TRIO: variants seen among roughly 807,000 people sequenced by gnomAD.
The protein encoded by TRIO is trio Rho guanine nucleotide exchange factor.
Under a neutral mutation model 351.9 loss-of-function variants are expected in TRIO, and 58 were observed. The ratio of observed to expected loss-of-function variants is 0.16; its 90% CI spans 0.13 to 0.21. The LOEUF (loss-of-function observed/expected upper bound fraction) is 0.21, where lower values mean the gene tolerates loss of function less well. TRIO is among the 10% of genes least tolerant of loss of function. The probability of loss-of-function intolerance (pLI) is 1.00; values close to 1 mark genes in which losing one functional copy is unlikely to be tolerated. For missense variants in TRIO, 3,201 were observed against 4,027.8 expected (o/e 0.79, Z 5.56); for synonymous variants, 1,758 against 1,595.7 (o/e 1.10, Z -2.42).
chr5:14,404,458 A>G (rs777896069), intron 31 of TRIO, among the ~76,000 whole-genome samples: 3 of 152,176 alleles, frequency 2.0e-5, no homozygotes, highest in Non-Finnish European at 4.4e-5. Context: ...ATCAATTCAT[A>G]TGAGAATTTT....
Position 14,406,643 on chromosome 5 carries a change from A to T in TRIO, c.4930A>T (p.Thr1644Ser). ...QPDTISIASR[T>S]SQNTLDSDKL... ...TGATACGATTTCCATCGCCTCACGG[A>T]CGTCTCAGAACACGCTGGACAGCGA... The change falls in exon 33 of 57, where the codon ACG (threonine) becomes TCG (serine). Residue 1644 changes from threonine (T) to serine (S), a missense_variant. Physicochemically the swap from Thr to Ser is moderately conservative, Grantham distance 58 (BLOSUM62 1). Transcript: ENST00000344204. The T allele has an allele frequency of 1.2e-6, 2 of 1,614,038 alleles. No individual in the cohort carries two copies. Among genetic ancestry groups the T allele is most frequent in the African/African-American group, 1.3e-5 (1 of 75,052 alleles).
chr5:14,496,754 G>T, intron 49 of TRIO, 125 bp from the exon 50 acceptor site: 5 of 1,275,546 alleles, frequency 3.9e-6, no homozygotes, highest in Non-Finnish European at 5.3e-6. Flanking sequence ...GTCACAGTTC[G>T]TAGAGGATTT....
At chr5:14,385,440 G>A (rs1746457097) in intron 21 of TRIO, among the ~76,000 whole-genome samples, 1 of 152,238 alleles carries the variant, frequency 6.6e-6, no homozygotes, top group East Asian at 1.9e-4. Flanking sequence ...CACAGGCGAG[G>A]ACTTTAGTTC....
At chr5:14,167,118 C>A (rs184075390) in intron 1 of TRIO, among the ~76,000 whole-genome samples, 88 of 151,430 alleles carry the variant, frequency 5.8e-4, no homozygotes, top group African/African-American at 2.0e-3. Context: ...GGTGAAGAAG[C>A]ATCCATTATC....
At chr5:14,178,439 G>A (rs1158351627) in intron 1 of TRIO, among the ~76,000 whole-genome samples, 1 of 152,210 alleles carries the variant, frequency 6.6e-6, no homozygotes, top group African/African-American at 2.4e-5. Context: ...TGCCTGCCTG[G>A]TATTAGAAAG....
chr5:14,182,865 C>G (rs779762906), intron 1 of TRIO, among the ~76,000 whole-genome samples: 16 of 61,946 alleles, frequency 2.6e-4, no homozygotes, highest in East Asian at 2.6e-3. Flanking sequence ...AGTGGAGACC[C>G]CCCCCCCTCC....
At chr5:14,370,026 A>G (rs1744941821) in intron 18 of TRIO, among the ~76,000 whole-genome samples, 1 of 152,194 alleles carries the variant, frequency 6.6e-6, no homozygotes, top group African/African-American at 2.4e-5. Context: ...GACAAGAGAA[A>G]TGTGTCACAT....
At chr5:14,465,699 A>G (rs1203729805) in intron 37 of TRIO, 59 bp downstream of exon 37, 3 of 1,576,780 alleles carry the variant, frequency 1.9e-6, no homozygotes, top group South Asian at 1.1e-5. Context: ...CTACTTGCAG[A>G]TGGATTTGCC....
chr5:14,333,580 G>A (rs1370164538), intron 10 of TRIO, among the ~76,000 whole-genome samples: 1 of 152,048 alleles, frequency 6.6e-6, no homozygotes, highest in African/African-American at 2.4e-5. Context: ...AAGTATTTAG[G>A]CCTCAAATGC....
At chr5:14,421,227 A>ATTTATTTATTTAT (rs57377021) in intron 34 of TRIO, among the ~76,000 whole-genome samples, 2 of 118,082 alleles carry the variant, frequency 1.7e-5, no homozygotes, top group African/African-American at 6.7e-5. Flanking sequence ...TTATTTATTT[A>ATTTATTTATTTAT]TTTATTTTAT....
chr5:14,433,476 G>C (rs1751341914), intron 34 of TRIO, among the ~76,000 whole-genome samples: 1 of 152,228 alleles, frequency 6.6e-6, no homozygotes, highest in Non-Finnish European at 1.5e-5. Flanking sequence ...TGGTGGTGCA[G>C]CTGTGCTTGA....
At chr5:14,401,823 C>T (rs368557789) in intron 31 of TRIO, among the ~76,000 whole-genome samples, 30 of 152,192 alleles carry the variant, frequency 2.0e-4, no homozygotes, top group Non-Finnish European at 3.4e-4. Flanking sequence ...GTTTGGGGGA[C>T]GGTGGAGCTA....
chr5:14,176,447 G>A (rs1461770193), intron 1 of TRIO, among the ~76,000 whole-genome samples: 1 of 152,106 alleles, frequency 6.6e-6, no homozygotes, highest in African/African-American at 2.4e-5. Flanking sequence ...CCCAGCCTGG[G>A]TGACACAGCG....
At chr5:14,166,486 A>G (rs1428356103) in intron 1 of TRIO, among the ~76,000 whole-genome samples, 3 of 152,164 alleles carry the variant, frequency 2.0e-5, no homozygotes, top group Non-Finnish European at 4.4e-5. Flanking sequence ...GTGGTATATT[A>G]TTCCTTAAAA....
Position 14,485,265 on chromosome 5 carries a change from C to T in TRIO, c.6835+19C>T. 1 of 1,559,112 alleles carries T rather than the reference C, an allele frequency of 6.4e-7. No homozygotes were observed. Among genetic ancestry groups the T allele is most frequent in the Non-Finnish European group, 8.7e-7 (1 of 1,145,168 alleles). The stretch of plus-strand genomic sequence containing the variant: ...TTAAATGGTAATGTGTGTTCTGTTA[C>T]TAGATGTGTGCTTTCTTTCCTCGTG... On this transcript the variant is annotated intron_variant, in intron 47 of 56. Transcript: ENST00000344204.
intron 27 of TRIO, among the ~76,000 whole-genome samples, chr5:14,392,856 C>G (rs985136830): frequency 1.3e-5 from 2 of 151,978 alleles, no homozygotes; most frequent in Admixed American, 6.6e-5. Context: ...ACCATCCTGG[C>G]TAACATGGTG....
At chr5:14,357,721 G>A (rs1246948157) in intron 11 of TRIO, among the ~76,000 whole-genome samples, 1 of 152,140 alleles carries the variant, frequency 6.6e-6, no homozygotes, top group Admixed American at 6.5e-5. Context: ...CCTTCTGTGT[G>A]CTTCCGGGGG....
intron 1 of TRIO, among the ~76,000 whole-genome samples, chr5:14,232,568 G>A (rs1328643867): frequency 6.6e-6 from 1 of 152,106 alleles, no homozygotes; most frequent in Non-Finnish European, 1.5e-5. Flanking sequence ...GACACCTGGT[G>A]GATGTACATA....
intron 1 of TRIO, among the ~76,000 whole-genome samples, chr5:14,197,813 G>C (rs953675239): frequency 6.6e-6 from 1 of 152,148 alleles, no homozygotes; most frequent in African/African-American, 2.4e-5. Context: ...ACACACAGTG[G>C]GTTGCATTGC....
Sources: allele counts gnomAD v4.1 joint callset (sites outside exome capture counted in the v4.1 genomes callset), GRCh38; gene constraint gnomAD v4.1.1; transcripts MANE v1.5; gene names NCBI Gene and HGNC (gene_info 2026-07-23, HGNC 2026-07-21).